Variants in BSPRY observed in about 807,000 individuals in gnomAD.
BSPRY encodes the protein B box and SPRY domain-containing protein.
In BSPRY, 33 loss-of-function variants were observed where a neutral mutation model predicts 38.0. The observed-to-expected ratio is 0.87, with a 90% CI of 0.66 to 1.16. The LOEUF (loss-of-function observed/expected upper bound fraction) is 1.16, where lower values mean the gene tolerates loss of function less well. Ranked by LOEUF, BSPRY falls within the 50% of genes most tolerant of loss-of-function variation. The probability of loss-of-function intolerance (pLI) is 0.00; values close to 1 mark genes in which losing one functional copy is unlikely to be tolerated. For missense variants in BSPRY, 523 were observed against 533.2 expected (o/e 0.98, Z 0.19); for synonymous variants, 224 against 228.5 (o/e 0.98, Z 0.18).
At chr9:113,369,506 C>A in intron 5 of BSPRY, 110 bp from the exon 6 acceptor site, 2 of 1,145,294 alleles carry the variant, frequency 1.7e-6, no homozygotes, top group Non-Finnish European at 2.5e-6. Context: ...GAGTAAATGG[C>A]TTATATGAGG....
intron 4 of BSPRY, among the ~76,000 whole-genome samples, chr9:113,366,565 C>T (rs1834256029): frequency 6.6e-6 from 1 of 152,230 alleles, no homozygotes; most frequent in Non-Finnish European, 1.5e-5. Flanking sequence ...CCCTTTGGGG[C>T]CATGAGTTTT....
At position 113,360,720 on chromosome 9, in the gene BSPRY, G is replaced by A. The variant is rs1280497491; in HGVS notation, c.514G>A (p.Asp172Asn). ...CCTGGTGGGCATGCTTACTCACCTGGATGACCTCCAGCTGATTGTAAGTCA... is the reference window on the plus strand; with the variant it reads ...CCTGGTGGGCATGCTTACTCACCTGAATGACCTCCAGCTGATTGTAAGTCA... Reference protein sequence around the residue: ...TGLVGMLTHLDDLQLIQKEQE... With the variant: ...TGLVGMLTHLNDLQLIQKEQE... The change falls in exon 3 of 6, where the codon GAT (aspartate) becomes AAT (asparagine). Residue 172 changes from aspartate to asparagine, a missense_variant. Asp to Asn is a conservative substitution (Grantham distance 23, BLOSUM62 1). Coordinates refer to ENST00000374183, the MANE Select transcript of BSPRY (RefSeq NM_017688.3). 2 of 1,592,848 alleles carry A rather than the reference G, an allele frequency of 1.3e-6. No individual in the cohort carries two copies. The highest frequency in any genetic ancestry group is 1.1e-5 in the South Asian group (1 of 87,748).
In BSPRY at chr9:113,368,262, C is replaced by T. The variant is rs376265115; in HGVS notation, c.561C>T (p.Thr187=). ...TCTCTGTTTTTCCCCATATAAGGACCGAAGAAGCAGAGGGCATTTTGGATC... is the reference window on the plus strand; with the variant it reads ...TCTCTGTTTTTCCCCATATAAGGACTGAAGAAGCAGAGGGCATTTTGGATC... ...IQKEQEIFER[T]EEAEGILDPQ... Residue 187 remains threonine, a synonymous_variant, in exon 5 of 6, where the codon ACC becomes ACT. Coordinates refer to ENST00000374183, the MANE Select transcript of BSPRY (RefSeq NM_017688.3). The T allele has an allele frequency of 5.8e-5, 93 of 1,613,920 alleles. No individual in the cohort carries two copies. Among genetic ancestry groups the T allele is most frequent in the Non-Finnish European group, 7.0e-5 (83 of 1,179,930 alleles).
chr9:113,349,774 G>A lies in BSPRY; in HGVS notation c.195G>A (p.Glu65=). The A allele has an allele frequency of 3.2e-6, 4 of 1,234,018 alleles. No individual in the cohort carries two copies. Among genetic ancestry groups the A allele is most frequent in the Non-Finnish European group, 4.0e-6 (4 of 989,208 alleles). The allele number at this position is 1,234,018 out of a possible 1,614,324, so 76.4% of individuals were successfully genotyped here. Residue 65 remains glutamate (E), a synonymous_variant, in exon 1 of 6, where the codon GAG becomes GAA. Transcript: ENST00000374183. ...GCCGGGCGGAGGAGCGCGCCGAGGA[G>A]CTGCGGGTGAGCGGGTGTGGGCGCC... The part of the protein sequence containing the change: ...RIRRAEERAE[E]LRNKIVDQCE...
intron 2 of BSPRY, among the ~76,000 whole-genome samples, chr9:113,359,592 A>C (rs1021021437): frequency 2.0e-5 from 3 of 152,226 alleles, no homozygotes; most frequent in African/African-American, 7.2e-5. Flanking sequence ...GCCTTATGCA[A>C]CAGGTGCCTT....
intron 1 of BSPRY, among the ~76,000 whole-genome samples, chr9:113,350,653 T>G (rs1020914211): frequency 5.9e-5 from 9 of 152,156 alleles, no homozygotes; most frequent in African/African-American, 2.2e-4. Context: ...ACCCCTGCTG[T>G]GAAGCCTGAG....
rs10600721 is a variant in BSPRY, at chr9:113,362,174, G to GGTGTGT, written c.532-160_532-155dup. On this transcript the variant is annotated intron_variant, in intron 3 of 5. Coordinates refer to ENST00000374183, the MANE Select transcript of BSPRY (RefSeq NM_017688.3). ...TGATTCATTCTGAGCATGTGTTATG[G>GGTGTGT]GTGTGTGTGTGTGTGTGTGTGTGTG... Among the ~76,000 whole-genome samples, 1,026 of 141,330 alleles carry GGTGTGT rather than the reference G, an allele frequency of 7.3e-3. 7 individuals carry two copies. Among genetic ancestry groups the GGTGTGT allele is most frequent in the Middle Eastern group, 0.018 (5 of 274 alleles). 92.7% of individuals were successfully genotyped at this position (141,330 alleles called of 152,430 possible).
intron 5 of BSPRY, 81 bp from the exon 6 acceptor site, chr9:113,369,535 G>A (rs777899326): frequency 8.0e-5 from 115 of 1,442,580 alleles, no homozygotes; most frequent in Non-Finnish European, 1.0e-4. Flanking sequence ...CTAGTGAGTG[G>A]TGAGGAACCT....
chr9:113,350,792 C>T (rs915758705), intron 1 of BSPRY, among the ~76,000 whole-genome samples: 1 of 152,140 alleles, frequency 6.6e-6, no homozygotes, highest in Admixed American at 6.5e-5. Flanking sequence ...CTACCTGTTA[C>T]CTCTATCAAC....
At chr9:113,357,162 A>T (rs1834074241) in intron 2 of BSPRY, among the ~76,000 whole-genome samples, 1 of 152,214 alleles carries the variant, frequency 6.6e-6, no homozygotes, top group South Asian at 2.1e-4. Context: ...GAAATCAGCT[A>T]ATGAAACGGA....
At position 113,349,563 on chromosome 9, in the gene BSPRY, G is replaced by T. The variant is rs1465354852; in HGVS notation, c.-17G>T. 2.0e-5 allele frequency: 23 copies of T among 1,138,458 alleles called. No individual in the cohort carries two copies. Among genetic ancestry groups the T allele is most frequent in the Non-Finnish European group, 2.3e-5 (21 of 929,174 alleles). The allele number at this position is 1,138,458 out of a possible 1,614,324, so 70.5% of individuals were successfully genotyped here. A position where few individuals can be genotyped will look rare whatever the true frequency, so the allele number is the denominator to read the frequency against. The stretch of plus-strand genomic sequence containing the variant: ...GCCACCTGCGACAGGTGGAGCGCAC[G>T]GGGCGGGCGCACGGCCATGTCCGCC... On this transcript the variant is annotated 5_prime_UTR_variant, in exon 1 of 6. Transcript: ENST00000374183.
At chr9:113,354,837 G>A (rs1348625368) in intron 2 of BSPRY, among the ~76,000 whole-genome samples, 1 of 152,012 alleles carries the variant, frequency 6.6e-6, no homozygotes, top group East Asian at 1.9e-4. Flanking sequence ...TGCTCCTTCT[G>A]CTGCATCCCA....
chr9:113,367,329 A>C (rs977975004), intron 4 of BSPRY, among the ~76,000 whole-genome samples: 2 of 152,176 alleles, frequency 1.3e-5, no homozygotes, highest in African/African-American at 4.8e-5. Context: ...TTGTCCCAAA[A>C]TACCTCTCCA....
chr9:113,364,170 G>C (rs1834206117), intron 4 of BSPRY, among the ~76,000 whole-genome samples: 1 of 152,058 alleles, frequency 6.6e-6, no homozygotes, highest in Non-Finnish European at 1.5e-5. Context: ...TGGGTGATGG[G>C]AGTGAAACCC....
At chr9:113,357,385 A>G (rs151044267) in intron 2 of BSPRY, among the ~76,000 whole-genome samples, 79 of 152,304 alleles carry the variant, frequency 5.2e-4, no homozygotes, top group African/African-American at 1.5e-3. Context: ...CCCTTGTATT[A>G]TTAATACAAA....
At chr9:113,349,824 C>G (rs1478726756) in intron 1 of BSPRY, 44 bp downstream of exon 1, 3 of 1,211,680 alleles carry the variant, frequency 2.5e-6, no homozygotes, top group Non-Finnish European at 1.0e-6. Flanking sequence ...CCGGAGACCC[C>G]GGGCGCGCCT....
chr9:113,370,159 G>A lies in BSPRY; in HGVS notation c.*17G>A, dbSNP rs988853363. On this transcript the variant is annotated 3_prime_UTR_variant, in exon 6 of 6. Coordinates refer to ENST00000374183, the MANE Select transcript of BSPRY (RefSeq NM_017688.3). The surrounding 1 kb of genome is among the most constrained non-coding windows in gnomAD (Gnocchi z 4.8). The stretch of plus-strand genomic sequence containing the variant: ...GTCCGCTGACCTCTGGCCACAGGAA[G>A]CCAGGTCCACCGCCCACCACCCTTT... 5.9e-6 allele frequency: 9 copies of A among 1,532,102 alleles called. No individual in the cohort carries two copies. The African/African-American group carries it at 6.9e-5, about 12-fold the overall frequency. The allele number at this position is 1,532,102 out of a possible 1,614,324, so 94.9% of individuals were successfully genotyped here.
intron 1 of BSPRY, among the ~76,000 whole-genome samples, chr9:113,350,460 C>T (rs916797370): frequency 6.6e-6 from 1 of 152,190 alleles, no homozygotes; most frequent in African/African-American, 2.4e-5. Context: ...CCCCTTCACC[C>T]AGGCTTTCTC....
chr9:113,358,970 G>A (rs1834108071), intron 2 of BSPRY, among the ~76,000 whole-genome samples: 1 of 152,144 alleles, frequency 6.6e-6, no homozygotes, highest in Non-Finnish European at 1.5e-5. Flanking sequence ...CAAAGCTGCA[G>A]TGAGCTATGA....
Sources: gnomAD v4.1 joint callset for allele counts (sites outside exome capture counted in the v4.1 genomes callset) on GRCh38, gnomAD v4.1.1 for gene constraint, Gnocchi (gnomAD v3.1) non-coding constraint, MANE v1.5 for transcripts, NCBI Gene and HGNC (gene_info 2026-07-23, HGNC 2026-07-21) for gene names.